TMEM266: variants seen among roughly 807,000 people sequenced by gnomAD.
TMEM266 encodes transmembrane protein 266.
TMEM266 carries 33 observed loss-of-function variants against 50.5 expected under a neutral mutation model. The observed-to-expected ratio is 0.65, with a 90% confidence interval of 0.50 to 0.87. The LOEUF (loss-of-function observed/expected upper bound fraction) is 0.87, where lower values mean the gene tolerates loss of function less well. TMEM266 is among the 40% of genes least tolerant of loss of function. TMEM266 has a pLI of 0.00. For missense variants in TMEM266, 655 were observed against 695.1 expected, an observed-to-expected ratio of 0.94 and a Z score of 0.65; for synonymous variants, 310 against 292.3, an observed-to-expected ratio of 1.06 and a Z score of -0.62.
intron 9 of TMEM266, among the ~76,000 whole-genome samples, chr15:76,194,391 C>T (rs1448939809): frequency 1.3e-5 from 2 of 152,222 alleles, no homozygotes; most frequent in African/African-American, 2.4e-5. Flanking sequence ...TCTCCCCTCC[C>T]CCACCATACC....
intron 8 of TMEM266, among the ~76,000 whole-genome samples, chr15:76,182,228 A>T (rs1313823421): frequency 6.6e-6 from 1 of 151,846 alleles, no homozygotes. Flanking sequence ...CTTCCCTTTA[A>T]CCCCTGAGCC....
chr15:76,181,873 AC>A (rs2038414029), intron 8 of TMEM266, among the ~76,000 whole-genome samples: 1 of 152,132 alleles, frequency 6.6e-6, no homozygotes, highest in Non-Finnish European at 1.5e-5. Flanking sequence ...TCTCCGTTAC[AC>A]CCGCTCTTTC....
At chr15:76,184,697 G>A (rs12595717) in intron 8 of TMEM266, among the ~76,000 whole-genome samples, 63,371 of 152,028 alleles carry the variant, frequency 0.42, 15,811 homozygotes, top group Middle Eastern at 0.6. Flanking sequence ...CATTAAAGGC[G>A]GAGAAGCGCT....
At chr15:76,084,184 C>T (rs1346863163) in intron 1 of TMEM266, among the ~76,000 whole-genome samples, 1 of 152,084 alleles carries the variant, frequency 6.6e-6, no homozygotes, top group Non-Finnish European at 1.5e-5. Flanking sequence ...TGTGGTGATA[C>T]ATGCCTATAG....
intron 8 of TMEM266, among the ~76,000 whole-genome samples, chr15:76,182,653 A>G (rs1428798647): frequency 6.6e-6 from 1 of 152,086 alleles, no homozygotes; most frequent in Non-Finnish European, 1.5e-5. Context: ...CAAAAAAACA[A>G]AACAAAACAA....
At chr15:76,188,761 G>A (rs1288625781) in intron 8 of TMEM266, among the ~76,000 whole-genome samples, 2 of 152,204 alleles carry the variant, frequency 1.3e-5, no homozygotes, top group Non-Finnish European at 2.9e-5. Context: ...TTCGAGATGA[G>A]ATTTGGGTGG....
chr15:76,165,741 C>T (rs981225922), intron 5 of TMEM266, among the ~76,000 whole-genome samples: 3 of 152,238 alleles, frequency 2.0e-5, no homozygotes, highest in African/African-American at 7.2e-5. Flanking sequence ...GGGCGTGGAT[C>T]TGCTTTCAGT....
intron 1 of TMEM266, among the ~76,000 whole-genome samples, chr15:76,086,612 G>A (rs1378472891): frequency 3.3e-5 from 5 of 152,170 alleles, no homozygotes; most frequent in African/African-American, 1.2e-4. Flanking sequence ...AATTTTCTAG[G>A]GTTTAAATAC....
rs187456830 is a variant in TMEM266 at position 76,194,217 on chromosome 15, G to A, written c.958+2060G>A. ...CGTGCAGAACTTCACAATCATCAGC[G>A]TCCAGCTGTAGCTTGTTTGATTCCT... On this transcript the variant is annotated intron_variant, in intron 9 of 10. Transcript: ENST00000388942. 7.2e-5 allele frequency among the ~76,000 whole-genome samples: 11 copies of A among 152,354 alleles called. 1 individual carries two copies. Among genetic ancestry groups the A allele is most frequent in the Admixed American group, 3.3e-4 (5 of 15,298 alleles).
intron 6 of TMEM266, 138 bp downstream of exon 6, chr15:76,170,010 G>T: frequency 1.4e-4 from 99 of 728,982 alleles, no homozygotes; most frequent in Middle Eastern, 4.3e-4. Context: ...GGCTGTGCAT[G>T]TTGGGTGGGG....
At chr15:76,072,134 G>C (rs950695957) in intron 1 of TMEM266, among the ~76,000 whole-genome samples, 2 of 152,196 alleles carry the variant, frequency 1.3e-5, no homozygotes, top group East Asian at 3.9e-4. Context: ...GACATTCCAA[G>C]TTTTGAAAAG....
At chr15:76,171,296 C>T (rs768875840) in intron 7 of TMEM266, among the ~76,000 whole-genome samples, 165 bp downstream of exon 7, 18 of 152,208 alleles carry the variant, frequency 1.2e-4, no homozygotes, top group African/African-American at 4.3e-4. Flanking sequence ...CTCGCCATCA[C>T]GCGTTCATGC....
chr15:76,105,365 C>T (rs1353546076), intron 1 of TMEM266, among the ~76,000 whole-genome samples: 1 of 152,240 alleles, frequency 6.6e-6, no homozygotes, highest in African/African-American at 2.4e-5. Flanking sequence ...CCTGGAACCT[C>T]TTCCCTTTCA....
At chr15:76,069,231 G>A (rs985562112) in intron 1 of TMEM266, among the ~76,000 whole-genome samples, 2 of 152,180 alleles carry the variant, frequency 1.3e-5, no homozygotes, top group Non-Finnish European at 2.9e-5. Flanking sequence ...AGTCAAGTAG[G>A]TAGCTCTGTG....
intron 1 of TMEM266, among the ~76,000 whole-genome samples, chr15:76,120,555 G>A (rs1468782252): frequency 6.6e-6 from 1 of 152,032 alleles, no homozygotes; most frequent in East Asian, 1.9e-4. Flanking sequence ...GAGGTCAGGA[G>A]TTAGAGACCA....
chr15:76,149,075 A>G (rs1270189477), intron 3 of TMEM266, among the ~76,000 whole-genome samples: 3 of 152,148 alleles, frequency 2.0e-5, no homozygotes, highest in Non-Finnish European at 4.4e-5. Flanking sequence ...AATTGGGTAC[A>G]GGGAACAAAG....
chr15:76,164,415 C>T (rs1226316351), intron 5 of TMEM266, among the ~76,000 whole-genome samples: 2 of 152,072 alleles, frequency 1.3e-5, no homozygotes, highest in African/African-American at 2.4e-5. Flanking sequence ...GCCATGTTGC[C>T]CAGGCTGGTC....
At chr15:76,096,253 A>G (rs900063219) in intron 1 of TMEM266, among the ~76,000 whole-genome samples, 1 of 152,088 alleles carries the variant, frequency 6.6e-6, no homozygotes, top group African/African-American at 2.4e-5. Context: ...ATTTAGTGCT[A>G]TAAATCTCCC....
At chr15:76,167,921 C>A (rs181728555) in intron 5 of TMEM266, among the ~76,000 whole-genome samples, 228 of 152,250 alleles carry the variant, frequency 1.5e-3, no homozygotes, top group African/African-American at 5.2e-3. Context: ...CTTCTCTGAC[C>A]CTTTCTGTAA....
Sources: allele counts gnomAD v4.1 joint callset (sites outside exome capture counted in the v4.1 genomes callset), GRCh38; gene constraint gnomAD v4.1.1; transcripts MANE v1.5; gene names NCBI Gene and HGNC (gene_info 2026-07-23, HGNC 2026-07-21).